KDR: variants seen among roughly 807,000 people sequenced by gnomAD.
The protein encoded by KDR is vascular endothelial growth factor receptor 2.
Under a neutral mutation model 160.9 loss-of-function variants are expected in KDR, and 43 were observed. The observed-to-expected ratio is 0.27, with a 90% CI of 0.21 to 0.34. KDR has a LOEUF of 0.34. KDR is among the 10% of genes least tolerant of loss of function. The pLI is 1.00. For missense variants in KDR, 1,469 were observed against 1,666.4 expected (o/e 0.88, Z 2.06); for synonymous variants, 617 against 600.1 (o/e 1.03, Z -0.41).
intron 21 of KDR, among the ~76,000 whole-genome samples, chr4:55,093,132 G>T (rs1204867432): frequency 6.6e-6 from 1 of 152,182 alleles, no homozygotes; most frequent in Non-Finnish European, 1.5e-5. Context: ...TTCTCTCCAG[G>T]TTTTGTCCTG....
intron 14 of KDR, 138 bp from the exon 15 acceptor site, chr4:55,102,166 G>T (rs1720328170): frequency 7.4e-6 from 10 of 1,343,754 alleles, no homozygotes; most frequent in Middle Eastern, 2.3e-4. Flanking sequence ...GGGATCTACT[G>T]CTGACTAATC....
chr4:55,089,972 T>C lies in KDR; in HGVS notation c.3176A>G (p.Tyr1059Cys), dbSNP rs747071259. ...GAAACTTACATCTCCTTTTCTGACA[T>C]AATCTGGATCTTTATAAATATCCCG... ...LARDIYKDPD[Y>C]VRKGDARLPL... is the part of the protein sequence containing the mutation. Residue 1059 changes from tyrosine (Y) to cysteine (C), a missense_variant, in exon 23 of 30, where the codon TAT becomes TGT. Around this residue, in one of 7 missense-constraint regions of KDR, gnomAD observed 132 missense variants for 195.9 expected, o/e 0.67. Transcript: ENST00000263923. 6.8e-6 allele frequency: 11 copies of C among 1,614,172 alleles called. No individual in the cohort carries two copies. The highest frequency in any genetic ancestry group is 9.3e-6 in the Non-Finnish European group (11 of 1,179,982).
intron 8 of KDR, 28 bp downstream of exon 8, chr4:55,110,626 A>T (rs2110027796): frequency 6.2e-7 from 1 of 1,612,690 alleles, no homozygotes; most frequent in Non-Finnish European, 8.5e-7. Context: ...ACACGAAATG[A>T]TGCTTTGCAT....
At chr4:55,096,785 G>A (rs992351610) in intron 18 of KDR, 24 of 264,938 alleles carry the variant, frequency 9.1e-5, no homozygotes, top group African/African-American at 3.5e-4. Flanking sequence ...AATCTGTGCC[G>A]ATCTGTGCAG....
intron 2 of KDR, 90 bp from the exon 3 acceptor site, chr4:55,118,890 A>G (rs1289875402): frequency 3.9e-6 from 4 of 1,030,694 alleles, no homozygotes; most frequent in Non-Finnish European, 6.0e-6. Flanking sequence ...TTTGAAACTT[A>G]AATAAACTCT....
chr4:55,093,045 T>TGG (rs1720058527), intron 21 of KDR, among the ~76,000 whole-genome samples: 1 of 152,192 alleles, frequency 6.6e-6, no homozygotes, highest in Non-Finnish European at 1.5e-5. Context: ...TTTTGTCATG[T>TGG]ACCCAGAGGG....
intron 26 of KDR, 115 bp from the exon 27 acceptor site, chr4:55,087,873 T>C (rs1719903429): frequency 2.2e-6 from 2 of 925,212 alleles, no homozygotes; most frequent in Non-Finnish European, 3.5e-6. Context: ...GGCTTTCATA[T>C]CTGAACATAG....
At chr4:55,109,907 A>C (rs921462298) in intron 9 of KDR, among the ~76,000 whole-genome samples, 1 of 152,198 alleles carries the variant, frequency 6.6e-6, no homozygotes, top group Non-Finnish European at 1.5e-5. Flanking sequence ...GTCAAAAAGG[A>C]AAAAAGAAAA....
intron 3 of KDR, among the ~76,000 whole-genome samples, chr4:55,115,978 C>A (rs1720726673): frequency 6.6e-6 from 1 of 152,176 alleles, no homozygotes; most frequent in South Asian, 2.1e-4. Flanking sequence ...TTCATGTGAG[C>A]ATTTTAAGAT....
chr4:55,121,050 A>T (rs777285061), intron 2 of KDR, 47 bp downstream of exon 2: 1 of 1,277,058 alleles, frequency 7.8e-7, no homozygotes. Context: ...CTCAATAAAC[A>T]ATCAGTTACT....
At position 55,081,951 on chromosome 4, in the gene KDR, CTT is replaced by C; in HGVS notation, c.3848+3_3848+4del. The C allele has an allele frequency of 1.2e-6, 2 of 1,603,338 alleles. No individual in the cohort carries two copies. The highest frequency in any genetic ancestry group is 3.3e-4 in the Middle Eastern group (2 of 6,040). Reference sequence around the variant, plus strand: ...ATTTGTCTTTTTAATATGGCTGAGTCTTACCCAAAAGATGGAGATAATTTGGT... The same window carrying C: ...ATTTGTCTTTTTAATATGGCTGAGTCACCCAAAAGATGGAGATAATTTGGT... On this transcript the variant is annotated splice_donor_region_variant and intron_variant, in intron 29 of 29. Coordinates refer to ENST00000263923, the MANE Select transcript of KDR (RefSeq NM_002253.4).
intron 1 of KDR, among the ~76,000 whole-genome samples, chr4:55,124,886 C>A (rs1184134518): frequency 6.6e-6 from 1 of 152,156 alleles, no homozygotes. Flanking sequence ...TTCTCGCCTG[C>A]GGAGGCACCT....
At chr4:55,086,144 G>C (rs1719857617) in intron 27 of KDR, among the ~76,000 whole-genome samples, 1 of 152,156 alleles carries the variant, frequency 6.6e-6, no homozygotes, top group South Asian at 2.1e-4. Context: ...TCTCTCTGAG[G>C]GCCCTCCTTG....
intron 15 of KDR, 25 bp from the exon 16 acceptor site, chr4:55,098,828 A>G (rs766359939): frequency 3.3e-6 from 5 of 1,511,802 alleles, no homozygotes; most frequent in Non-Finnish European, 4.6e-6. Context: ...TTGAATGAGT[A>G]TCAACAGTTG....
Position 55,125,327 on chromosome 4 carries a change from T to C in KDR, c.-34A>G. On this transcript the variant is annotated 5_prime_UTR_variant, in exon 1 of 30. Coordinates refer to ENST00000263923, the MANE Select transcript of KDR (RefSeq NM_002253.4). ...TCGAGCCGGGCGAAATGCCCAGAACTCGGGAGCCGGTTCTTTCTCCCAGCG... is the reference window on the plus strand; with the variant it reads ...TCGAGCCGGGCGAAATGCCCAGAACCCGGGAGCCGGTTCTTTCTCCCAGCG... The C allele has an allele frequency of 1.9e-6, 3 of 1,593,076 alleles. No homozygotes were observed. The highest frequency in any genetic ancestry group is 2.6e-6 in the Non-Finnish European group (3 of 1,170,438).
At position 55,106,586 on chromosome 4, in the gene KDR, C is replaced by G. The variant is rs1442067735; in HGVS notation, c.1536+101G>C. 4 of 917,626 alleles carry G rather than the reference C, an allele frequency of 4.4e-6. No homozygotes were observed. In the Admixed American group the frequency reaches 7.2e-5, roughly 16 times the overall value. The allele number at this position is 917,626 out of a possible 1,614,324, so 56.8% of individuals were successfully genotyped here. A position where few individuals can be genotyped will look rare whatever the true frequency, so the allele number is the denominator to read the frequency against. On this transcript the variant is annotated intron_variant, in intron 11 of 29. Coordinates refer to ENST00000263923, the MANE Select transcript of KDR (RefSeq NM_002253.4). ...ACTTAATACGCTCTATTTAATCATCCAGACTATTTGATTATTAATCTCCAA... is the reference window on the plus strand; with the variant it reads ...ACTTAATACGCTCTATTTAATCATCGAGACTATTTGATTATTAATCTCCAA...
In KDR at chr4:55,101,921, C is replaced by T; in HGVS notation, c.2242G>A (p.Val748Met). 1 of 1,613,578 alleles carries T rather than the reference C, an allele frequency of 6.2e-7. No individual in the cohort carries two copies. Among genetic ancestry groups the T allele is most frequent in the Non-Finnish European group, 8.5e-7 (1 of 1,179,698 alleles). Residue 748 changes from valine (V) to methionine (M), a missense_variant, in exon 15 of 30, where the codon GTG becomes ATG. Val to Met is a conservative substitution (Grantham distance 21). Around this residue, in one of 7 missense-constraint regions of KDR, gnomAD observed 118 missense variants for 110.8 expected, o/e 1.06. Coordinates refer to ENST00000263923, the MANE Select transcript of KDR (RefSeq NM_002253.4). The stretch of plus-strand genomic sequence containing the variant: ...CCTTCTATTATGAAAAATGCCTCCA[C>T]TTTTGCACAGCCAAGAACACTGCAT... ...QACSVLGCAK[V>M]EAFFIIEGAQ...
At chr4:55,110,600 C>T in intron 8 of KDR, 34 bp from the exon 9 acceptor site, 1 of 1,612,732 alleles carries the variant, frequency 6.2e-7, no homozygotes, top group Non-Finnish European at 8.5e-7. Flanking sequence ...TTAGTATAGT[C>T]AAAGGATTTG....
At position 55,111,313 on chromosome 4, in the gene KDR, T is replaced by C. The variant is rs147973324; in HGVS notation, c.977-545A>G. 3.2e-3 allele frequency among the ~76,000 whole-genome samples: 495 copies of C among 152,328 alleles called. 2 individuals carry two copies. Among genetic ancestry groups the C allele is most frequent in the African/African-American group, 0.011 (451 of 41,568 alleles). ...TTTAACAGGCATCTCCAGATAAACATATCTAACACTGTTTCCCTAAATCTC... is the reference window on the plus strand; with the variant it reads ...TTTAACAGGCATCTCCAGATAAACACATCTAACACTGTTTCCCTAAATCTC... On this transcript the variant is annotated intron_variant, in intron 7 of 29. Transcript: ENST00000263923.
Sources: gnomAD v4.1 joint callset for allele counts (sites outside exome capture counted in the v4.1 genomes callset) on GRCh38, gnomAD v4.1.1 for gene constraint, gnomAD v4.1.1 regional missense constraint, MANE v1.5 for transcripts, NCBI Gene and HGNC (gene_info 2026-07-23, HGNC 2026-07-21) for gene names.